Variants in KCTD1 observed in about 807,000 individuals in gnomAD.
The protein encoded by KCTD1 is potassium channel tetramerization domain containing 1.
Under a neutral mutation model 66.0 loss-of-function variants are expected in KCTD1, and 24 were observed. That is an observed-to-expected ratio of 0.36 (90% CI 0.26 to 0.51). The LOEUF (loss-of-function observed/expected upper bound fraction) is 0.51. KCTD1 is among the 20% of genes least tolerant of loss of function. KCTD1 has a pLI of 0.95. For synonymous variants in KCTD1, 511 were observed against 517.2 expected, an observed-to-expected ratio of 0.99 and a Z score of 0.16; for missense variants, 943 against 1,205.2, an observed-to-expected ratio of 0.78 and a Z score of 3.22.
chr18:26,550,883 G>A (rs908179718), upstream of KCTD1, among the ~76,000 whole-genome samples: 1 of 152,222 alleles, frequency 6.6e-6, no homozygotes, highest in African/African-American at 2.4e-5. This position sits in a 1 kb window ranked among gnomAD's most constrained non-coding sequence, Gnocchi z 5.4. Flanking sequence ...TTCGGGCCGC[G>A]GTGCGGAGAA....
chr18:26,503,232 A>G (rs554277507), intron 1 of KCTD1, among the ~76,000 whole-genome samples: 1 of 152,314 alleles, frequency 6.6e-6, no homozygotes, highest in Non-Finnish European at 1.5e-5. Context: ...AACAATGCAA[A>G]ATAGATATTG....
chr18:26,496,875 A>C (rs4374250), intron 2 of KCTD1, among the ~76,000 whole-genome samples: 1 of 152,214 alleles, frequency 6.6e-6, no homozygotes, highest in Non-Finnish European at 1.5e-5. Context: ...ATTGAGGAAG[A>C]GGCCTACATT....
At chr18:26,514,767 G>T (rs1412964979) in intron 1 of KCTD1, among the ~76,000 whole-genome samples, 2 of 152,172 alleles carry the variant, frequency 1.3e-5, no homozygotes, top group Non-Finnish European at 2.9e-5. Context: ...TGGCTGTTGG[G>T]CTGTCCAGTT....
At chr18:26,487,512 C>A (rs149693912) in intron 2 of KCTD1, among the ~76,000 whole-genome samples, 2 of 152,166 alleles carry the variant, frequency 1.3e-5, no homozygotes, top group African/African-American at 4.8e-5. Context: ...TAATTTATGT[C>A]GCAAGCTTAT....
chr18:26,504,537 T>C (rs1055564333), intron 1 of KCTD1, among the ~76,000 whole-genome samples: 2 of 152,072 alleles, frequency 1.3e-5, no homozygotes, highest in African/African-American at 2.4e-5. Context: ...GGCCTAATTT[T>C]TTATTTTTAA....
intron 3 of KCTD1, among the ~76,000 whole-genome samples, chr18:26,461,889 G>A (rs1210539580): frequency 6.6e-6 from 1 of 152,210 alleles, no homozygotes; most frequent in Admixed American, 6.5e-5. Flanking sequence ...GCCGAGGCAG[G>A]TGGATTATCT....
chr18:26,540,938 A>T (rs1268528417), intron 1 of KCTD1, among the ~76,000 whole-genome samples: 1 of 152,164 alleles, frequency 6.6e-6, no homozygotes, highest in African/African-American at 2.4e-5. Flanking sequence ...GAATGAGTCC[A>T]GATACTCCCA....
At chr18:26,623,908 G>A (rs575134084) in intron 1 of KCTD1, among the ~76,000 whole-genome samples, 5 of 152,238 alleles carry the variant, frequency 3.3e-5, no homozygotes, top group Non-Finnish European at 5.9e-5. Flanking sequence ...GAATTTCCTA[G>A]AGACATGGTG....
intron 2 of KCTD1, among the ~76,000 whole-genome samples, chr18:26,477,182 T>C (rs1265561511): frequency 6.6e-6 from 1 of 152,206 alleles, no homozygotes; most frequent in Non-Finnish European, 1.5e-5. Flanking sequence ...ATGTCACTCA[T>C]CTAGAAGAAT....
Position 26,548,399 on chromosome 18 carries a change from G to A in KCTD1, c.138C>T (p.Ser46=), listed in dbSNP as rs1402342474. The stretch of plus-strand genomic sequence containing the variant: ...CGCCCGCGCTGCAGTAGTGCGGACG[G>A]CTGTGGCGGCGGCCGCGGCCCCCCG... ...RGAGGRGRRH[S]RPHYCSAGEE... Residue 46 remains serine, a synonymous_variant, in exon 1 of 5, where the codon AGC becomes AGT. Coordinates refer to ENST00000580059, the MANE Select transcript of KCTD1 (RefSeq NM_001142730.3). 2 of 1,437,980 alleles carry A rather than the reference G, an allele frequency of 1.4e-6. No individual in the cohort carries two copies. Among genetic ancestry groups the A allele is most frequent in the Non-Finnish European group, 1.8e-6 (2 of 1,093,734 alleles). The allele number at this position is 1,437,980 out of a possible 1,614,324, so 89.1% of individuals were successfully genotyped here.
chr18:26,477,574 A>G (rs1981414270), intron 2 of KCTD1, among the ~76,000 whole-genome samples: 1 of 152,180 alleles, frequency 6.6e-6, no homozygotes, highest in Admixed American at 6.5e-5. Context: ...GATTTGGAAC[A>G]ATATCATTTT....
intron 1 of KCTD1, among the ~76,000 whole-genome samples, chr18:26,535,001 T>C (rs1362695018): frequency 1.3e-5 from 2 of 151,118 alleles, no homozygotes; most frequent in African/African-American, 4.9e-5. Context: ...GATGTTCTTG[T>C]AGTAAGAAGT....
chr18:26,542,494 G>A (rs1985020852), intron 1 of KCTD1, among the ~76,000 whole-genome samples: 1 of 152,172 alleles, frequency 6.6e-6, no homozygotes, highest in African/African-American at 2.4e-5. Context: ...TATCGATTCT[G>A]CTTTCAAAAT....
At chr18:26,570,412 T>C (rs1427608279) in intron 1 of KCTD1, among the ~76,000 whole-genome samples, 2 of 151,984 alleles carry the variant, frequency 1.3e-5, no homozygotes, top group African/African-American at 4.8e-5. Flanking sequence ...TCTCTATTAC[T>C]TTCTTTCTTT....
intron 1 of KCTD1, among the ~76,000 whole-genome samples, chr18:26,606,871 G>C (rs1307704407): frequency 6.6e-6 from 1 of 152,200 alleles, no homozygotes; most frequent in African/African-American, 2.4e-5. Context: ...TTAGATCAAG[G>C]ACACAGTGCT....
At chr18:26,592,952 C>T (rs1035974595) in intron 1 of KCTD1, among the ~76,000 whole-genome samples, 2 of 152,334 alleles carry the variant, frequency 1.3e-5, no homozygotes, top group African/African-American at 2.4e-5. Context: ...CTGCATATGA[C>T]TGAAAGCACC....
At chr18:26,623,047 A>T (rs1987422580) in intron 1 of KCTD1, among the ~76,000 whole-genome samples, 3 of 151,874 alleles carry the variant, frequency 2.0e-5, no homozygotes, top group Admixed American at 1.3e-4. Context: ...TGTCTCTTAC[A>T]TTGTTTTCAT....
At chr18:26,532,261 C>CTTTCTTTTTTTTTTTTTTTTTTTTTTT (rs1394278500) in intron 1 of KCTD1, among the ~76,000 whole-genome samples, 7 of 29,556 alleles carry the variant, frequency 2.4e-4, no homozygotes, top group African/African-American at 4.6e-4. Flanking sequence ...TTCTTTCCTT[C>CTTTCTTTTTTTTTTTTTTTTTTTTTTT]TTTTTTTTTT....
At chr18:26,631,630 G>T (rs567256153), upstream of KCTD1, among the ~76,000 whole-genome samples, 102 of 152,190 alleles carry the variant, frequency 6.7e-4, no homozygotes, top group African/African-American at 2.4e-3. Context: ...AGATTATGAG[G>T]AATTAGAGGT....
Sources: gnomAD v4.1 joint callset for allele counts (sites outside exome capture counted in the v4.1 genomes callset) on GRCh38, gnomAD v4.1.1 for gene constraint, Gnocchi (gnomAD v3.1) non-coding constraint, MANE v1.5 for transcripts, NCBI Gene and HGNC (gene_info 2026-07-23, HGNC 2026-07-21) for gene names.